Variants in FZR1 observed in about 807,000 individuals in gnomAD.
FZR1 encodes fizzy and cell division cycle 20 related 1.
A neutral mutation model predicts 63.6 loss-of-function variants in FZR1; 11 were observed. The ratio of observed to expected loss-of-function variants is 0.17; its 90% CI spans 0.11 to 0.29. The LOEUF is 0.29. Among genes scored for constraint, FZR1 ranks in the 10% least tolerant of loss-of-function variants. The pLI is 1.00. For synonymous variants in FZR1, 328 were observed against 297.9 expected, an observed-to-expected ratio of 1.10 and a Z score of -1.04; for missense variants, 440 against 687.5, an observed-to-expected ratio of 0.64 and a Z score of 4.03.
intron 1 of FZR1, among the ~76,000 whole-genome samples, chr19:3,507,198 C>T (rs1052774834): frequency 6.7e-6 from 1 of 148,856 alleles, no homozygotes; most frequent in Non-Finnish European, 1.5e-5. Flanking sequence ...ATCCAGCTCT[C>T]CCACCAAAGC....
chr19:3,534,596 A>T, intron 13 of FZR1, 83 bp downstream of exon 13: 1 of 1,004,610 alleles, frequency 1.0e-6, no homozygotes, highest in African/African-American at 1.6e-5. Context: ...CCTCGGGCGT[A>T]CCCTCCTCTG....
Position 3,532,080 on chromosome 19 carries a change from G to T in FZR1, c.993G>T (p.Gly331=). 2.0e-6 allele frequency: 3 copies of T among 1,514,224 alleles called. No individual in the cohort carries two copies. In the South Asian group the frequency reaches 3.6e-5, roughly 18 times the overall value. The allele number at this position is 1,514,224 out of a possible 1,614,324, so 93.8% of individuals were successfully genotyped here. A position where few individuals can be genotyped will look rare whatever the true frequency, so the allele number is the denominator to read the frequency against. The stretch of plus-strand genomic sequence containing the variant: ...CAGACCACCAGCTCCTCGCCTCGGG[G>T]GGCAACGACAACAAGGTACCCCCGC... ...WSTDHQLLAS[G]GNDNKLLVWN... The change falls in exon 10 of 14, where the codon GGG becomes GGT. Residue 331 remains glycine (G), a synonymous_variant. Coordinates refer to ENST00000441788, the MANE Select transcript of FZR1 (RefSeq NM_016263.4).
At chr19:3,532,305 C>A in intron 10 of FZR1, 112 bp from the exon 11 acceptor site, 1 of 892,158 alleles carries the variant, frequency 1.1e-6, no homozygotes, top group Non-Finnish European at 1.7e-6. Flanking sequence ...CTTGAGGGAG[C>A]AGCAGGAGGA....
At chr19:3,519,388 C>T (rs906357659) in intron 1 of FZR1, among the ~76,000 whole-genome samples, 4 of 152,202 alleles carry the variant, frequency 2.6e-5, no homozygotes, top group Admixed American at 6.5e-5. Flanking sequence ...CAGTGCTGGG[C>T]GACCTGCATG....
Position 3,526,450 on chromosome 19 carries a change from TC to T in FZR1, c.387+67del. On this transcript the variant is annotated intron_variant, in intron 5 of 13. Transcript: ENST00000441788. This position sits in a 1 kb window ranked among gnomAD's most constrained non-coding sequence, Gnocchi z 5.4. ...AGTGCAGCCTCCCCGGCCCCCCACC[TC>T]CCAGGCACCAGCTCTGCCTCCCCGA... 7.3e-7 allele frequency: 1 copy of T among 1,370,762 alleles called. No individual in the cohort carries two copies. Among genetic ancestry groups the T allele is most frequent in the Non-Finnish European group, 1.0e-6 (1 of 1,002,024 alleles). The allele number at this position is 1,370,762 out of a possible 1,614,324, so 84.9% of individuals were successfully genotyped here.
intron 6 of FZR1, among the ~76,000 whole-genome samples, chr19:3,527,401 G>GTGTGGGGAGCAGAGCCAGCACAGC (rs1283109117): frequency 3.3e-4 from 51 of 152,370 alleles, no homozygotes; most frequent in Non-Finnish European, 6.5e-4. Context: ...CCTGGAGGAG[G>GTGTGGGGAGCAGAGCCAGCACAGC]TGTGGGGAGC....
chr19:3,528,295 C>T (rs2083182710), intron 7 of FZR1, among the ~76,000 whole-genome samples: 1 of 152,256 alleles, frequency 6.6e-6, no homozygotes, highest in African/African-American at 2.4e-5. Context: ...GCAGCAGACA[C>T]TGCCCGCTGG....
intron 12 of FZR1, 173 bp from the exon 13 acceptor site, chr19:3,534,242 AAAAAAG>A: frequency 4.5e-6 from 2 of 449,290 alleles, no homozygotes; most frequent in Non-Finnish European, 7.8e-6. Context: ...AAAAAAAAAA[AAAAAAG>A]GCTCCAACCT....
intron 7 of FZR1, among the ~76,000 whole-genome samples, chr19:3,529,098 T>G (rs1356354088): frequency 0.063 from 2,024 of 32,242 alleles, no homozygotes; most frequent in Non-Finnish European, 0.085. Context: ...GAGCAGACGG[T>G]TGAGCGGATG....
At chr19:3,510,616 A>G (rs1292310361) in intron 1 of FZR1, among the ~76,000 whole-genome samples, 1 of 152,118 alleles carries the variant, frequency 6.6e-6, no homozygotes, top group Non-Finnish European at 1.5e-5. Context: ...GAGCAGAGAG[A>G]GGGTGGGCAG....
intron 1 of FZR1, among the ~76,000 whole-genome samples, chr19:3,519,542 T>C (rs549418652): frequency 2.6e-5 from 4 of 152,290 alleles, no homozygotes; most frequent in South Asian, 2.1e-4. Flanking sequence ...TCACCCCTGC[T>C]CTGAAGCTCA....
rs763545974 is a variant in FZR1, at chr19:3,531,983, G to T, written c.896G>T (p.Arg299Leu). Reference sequence around the variant, plus strand: ...CGCATGATCCTGCAGAGGGACATCCGCACCCCGCCACTGCAGTCGGAGCGG... The same window carrying T: ...CGCATGATCCTGCAGAGGGACATCCTCACCCCGCCACTGCAGTCGGAGCGG... ...RDRMILQRDI[R>L]TPPLQSERRL... Residue 299 changes from arginine to leucine, a missense_variant, in exon 10 of 14, where the codon CGC (arginine) becomes CTC (leucine). Physicochemically the swap from Arg to Leu is moderately radical, Grantham distance 102. This residue lies in a region of FZR1 where 208 missense variants were observed against 363.6 expected (regional missense o/e 0.57). Coordinates refer to ENST00000441788, the MANE Select transcript of FZR1 (RefSeq NM_016263.4). The T allele has an allele frequency of 6.4e-7, 1 of 1,562,718 alleles. No individual in the cohort carries two copies. The highest frequency in any genetic ancestry group is 8.6e-7 in the Non-Finnish European group (1 of 1,158,284).
At position 3,526,935 on chromosome 19, in the gene FZR1, T is replaced by C. The variant is rs773279158; in HGVS notation, c.388-45T>C. 1 of 1,408,172 alleles carries C rather than the reference T, an allele frequency of 7.1e-7. No homozygotes were observed. Among genetic ancestry groups the C allele is most frequent in the Admixed American group, 1.7e-5 (1 of 59,652 alleles). The allele number at this position is 1,408,172 out of a possible 1,614,324, so 87.2% of individuals were successfully genotyped here. A position where few individuals can be genotyped will look rare whatever the true frequency, so the allele number is the denominator to read the frequency against. On this transcript the variant is annotated intron_variant, in intron 5 of 13. Coordinates refer to ENST00000441788, the MANE Select transcript of FZR1 (RefSeq NM_016263.4). The surrounding 1 kb of genome is among the most constrained non-coding windows in gnomAD (Gnocchi z 5.4). ...GGCTGCTGGGGGGCTCTGAGGGTCC[T>C]GCGGCCTGGGCGTGCGCTCAGCTGG...
chr19:3,511,812 C>T (rs948383074), intron 1 of FZR1, among the ~76,000 whole-genome samples: 3 of 152,224 alleles, frequency 2.0e-5, no homozygotes, highest in Non-Finnish European at 2.9e-5. Flanking sequence ...TGTCCCCTGC[C>T]AAGGGTCTGG....
Position 3,525,902 on chromosome 19 carries a change from G to T in FZR1, c.104G>T (p.Ser35Ile), listed in dbSNP as rs763294660. The T allele has an allele frequency of 6.2e-7, 1 of 1,612,272 alleles. No homozygotes were observed. Among genetic ancestry groups the T allele is most frequent in the Non-Finnish European group, 8.5e-7 (1 of 1,179,922 alleles). ...TEMRRTLTPA[S>I]SPVSSPSKHG... The stretch of plus-strand genomic sequence containing the variant: ...ATGCGGCGGACCCTGACGCCTGCCA[G>T]CTCCCCAGTGTCCTCGCCCAGCAAG... Residue 35 changes from serine (S) to isoleucine (I), a missense_variant, in exon 3 of 14, where the codon AGC becomes ATC. By Grantham distance (142) the Ser-to-Ile change is moderately radical. Coordinates refer to ENST00000441788, the MANE Select transcript of FZR1 (RefSeq NM_016263.4). This position sits in a 1 kb window ranked among gnomAD's most constrained non-coding sequence, Gnocchi z 4.2.
chr19:3,525,501 G>A lies in FZR1; in HGVS notation c.70-367G>A, dbSNP rs1225758379. Reference sequence around the variant, plus strand: ...TCTGTCGCCCAGGCTGGAGTGCAGTGGCACAATCTTGGCTCACTGCAAGCT... The same window carrying A: ...TCTGTCGCCCAGGCTGGAGTGCAGTAGCACAATCTTGGCTCACTGCAAGCT... On this transcript the variant is annotated intron_variant, in intron 2 of 13. Coordinates refer to ENST00000441788, the MANE Select transcript of FZR1 (RefSeq NM_016263.4). The surrounding 1 kb of genome is among the most constrained non-coding windows in gnomAD (Gnocchi z 4.2). Among the ~76,000 whole-genome samples the A allele has an allele frequency of 7.5e-6, 1 of 133,740 alleles. No homozygotes were observed. The highest frequency in any genetic ancestry group is 2.8e-5 in the African/African-American group (1 of 35,592). 87.7% of individuals were successfully genotyped at this position (133,740 alleles called of 152,430 possible).
At position 3,531,282 on chromosome 19, in the gene FZR1, C is replaced by G. The variant is rs532310505; in HGVS notation, c.720+425C>G. 7.9e-5 allele frequency among the ~76,000 whole-genome samples: 12 copies of G among 152,334 alleles called. 1 individual carries two copies. In the South Asian group the frequency reaches 2.5e-3, roughly 32 times the overall value. Reference sequence around the variant, plus strand: ...GAGCTGCCCAGGGCTGCCCCTAGCACTCGTAACCGCTCACTGTGTCCAGGC... The same window carrying G: ...GAGCTGCCCAGGGCTGCCCCTAGCAGTCGTAACCGCTCACTGTGTCCAGGC... On this transcript the variant is annotated intron_variant, in intron 8 of 13. Transcript: ENST00000441788.
Position 3,526,838 on chromosome 19 carries a change from C to T in FZR1, c.388-142C>T, listed in dbSNP as rs1411896354. ...TCCGCAGTCCCCGCCAGGAAGGCGC[C>T]TGCCTTTTTACAGCTGCTCCACACA... On this transcript the variant is annotated intron_variant, in intron 5 of 13. Coordinates refer to ENST00000441788, the MANE Select transcript of FZR1 (RefSeq NM_016263.4). This position sits in a 1 kb window ranked among gnomAD's most constrained non-coding sequence, Gnocchi z 5.4. The T allele has an allele frequency of 1.9e-5, 12 of 647,892 alleles. No homozygotes were observed. Among genetic ancestry groups the T allele is most frequent in the Non-Finnish European group, 2.7e-5 (10 of 367,132 alleles). The allele number at this position is 647,892 out of a possible 1,614,324, so 40.1% of individuals were successfully genotyped here.
rs917580601 is a variant in FZR1, at chr19:3,535,679, C to G, written c.*843C>G. The G allele has an allele frequency of 6.6e-6, 1 of 152,396 alleles. No homozygotes were observed. The highest frequency in any genetic ancestry group is 2.4e-5 in the African/African-American group (1 of 41,468). The allele number at this position is 152,396 out of a possible 1,614,324, so 9.4% of individuals were successfully genotyped here. A position where few individuals can be genotyped will look rare whatever the true frequency, so the allele number is the denominator to read the frequency against. On this transcript the variant is annotated 3_prime_UTR_variant, in exon 14 of 14. Coordinates refer to ENST00000441788, the MANE Select transcript of FZR1 (RefSeq NM_016263.4). ...GTCTTCGTGCATTCGCCAACACGTG[C>G]CCTCACAGGGCCAGCGTCCTCCTTC...
Sources: gnomAD v4.1 joint callset for allele counts (sites outside exome capture counted in the v4.1 genomes callset) on GRCh38, gnomAD v4.1.1 for gene constraint, gnomAD v4.1.1 regional missense constraint, Gnocchi (gnomAD v3.1) non-coding constraint, MANE v1.5 for transcripts, NCBI Gene and HGNC (gene_info 2026-07-23, HGNC 2026-07-21) for gene names.